ZFP2: variants seen among roughly 807,000 people sequenced by gnomAD.
The protein encoded by ZFP2 is zinc finger protein ZFP2.
In ZFP2, 33 loss-of-function variants were observed where a neutral mutation model predicts 36.1. That is an observed-to-expected ratio of 0.92 (90% CI 0.69 to 1.22). The LOEUF (loss-of-function observed/expected upper bound fraction) is 1.22. ZFP2 is among the 50% of genes most tolerant of loss of function. ZFP2 has a pLI of 0.00. For synonymous variants in ZFP2, 170 were observed against 178.0 expected (o/e 0.96, Z 0.36); for missense variants, 522 against 551.4 (o/e 0.95, Z 0.53).
intron 1 of ZFP2, chr5:178,910,157 A>G (rs1449700713): frequency 1.4e-6 from 2 of 1,473,908 alleles, no homozygotes; most frequent in Non-Finnish European, 1.9e-6. Flanking sequence ...TGCTGTCTGC[A>G]TTTAATGCTT....
intron 4 of ZFP2, among the ~76,000 whole-genome samples, chr5:178,923,330 G>A (rs1017479628): frequency 2.0e-5 from 3 of 149,278 alleles, no homozygotes; most frequent in African/African-American, 4.9e-5. Context: ...GGTAACCTCC[G>A]CTTTCTGCCT....
chr5:178,896,512 T>G (rs570114869), intron 1 of ZFP2, among the ~76,000 whole-genome samples: 165 of 152,328 alleles, frequency 1.1e-3, no homozygotes, highest in African/African-American at 3.8e-3. Flanking sequence ...ACCCGCCCTC[T>G]GGATCTCATT....
chr5:178,898,365 C>T (rs1230054998), intron 1 of ZFP2, among the ~76,000 whole-genome samples: 1 of 152,176 alleles, frequency 6.6e-6, no homozygotes, highest in East Asian at 1.9e-4. Context: ...GAAATGACAT[C>T]CTGGTATATT....
At chr5:178,929,345 CT>C (rs1211611591) in intron 4 of ZFP2, among the ~76,000 whole-genome samples, 1 of 151,964 alleles carries the variant, frequency 6.6e-6, no homozygotes, top group Non-Finnish European at 1.5e-5. Context: ...CACTTACTCC[CT>C]TTTAAATACC....
intron 1 of ZFP2, among the ~76,000 whole-genome samples, chr5:178,898,147 C>T (rs534071905): frequency 6.6e-6 from 1 of 152,260 alleles, no homozygotes; most frequent in East Asian, 1.9e-4. Context: ...CACCACCACT[C>T]TCTAATTTTT....
chr5:178,929,244 T>C (rs1046484784), intron 4 of ZFP2, among the ~76,000 whole-genome samples: 3 of 152,222 alleles, frequency 2.0e-5, no homozygotes, highest in African/African-American at 7.2e-5. Flanking sequence ...CTTGGGTCCT[T>C]TTTACTCATG....
At chr5:178,904,696 CTTTTT>C (rs1195032566) in intron 1 of ZFP2, among the ~76,000 whole-genome samples, 8 of 88,642 alleles carry the variant, frequency 9.0e-5, no homozygotes, top group Admixed American at 2.6e-4. Context: ...ATTCATTTTG[CTTTTT>C]TTTTTTTTTT....
chr5:178,915,919 G>T (rs1375257952), intron 3 of ZFP2: 2 of 152,128 alleles, frequency 1.3e-5, no homozygotes, highest in East Asian at 3.9e-4. Flanking sequence ...TTAAATATTT[G>T]TTGAGTGAAT....
At chr5:178,922,895 A>G (rs1758589531) in intron 4 of ZFP2, among the ~76,000 whole-genome samples, 1 of 149,508 alleles carries the variant, frequency 6.7e-6, no homozygotes, top group Non-Finnish European at 1.5e-5. Context: ...TTCTAGTTGA[A>G]ATAAAGTATT....
intron 4 of ZFP2, among the ~76,000 whole-genome samples, chr5:178,930,314 C>CTTTTTTTTTTT (rs990713790): frequency 6.4e-4 from 46 of 71,380 alleles, no homozygotes; most frequent in Non-Finnish European, 8.1e-4. Flanking sequence ...TTTCCCTTTC[C>CTTTTTTTTTTT]TTTTTTTTTT....
At chr5:178,922,601 A>G in intron 4 of ZFP2, 2 of 1,569,164 alleles carry the variant, frequency 1.3e-6, no homozygotes, top group Non-Finnish European at 1.8e-6. Context: ...GGGCAAGAGC[A>G]TGGCAGGTAT....
chr5:178,925,087 TA>T (rs1357933652), intron 4 of ZFP2, among the ~76,000 whole-genome samples: 7 of 143,136 alleles, frequency 4.9e-5, no homozygotes, highest in African/African-American at 1.7e-4. Context: ...TGGTCTGTTT[TA>T]AAACTTTAAA....
At chr5:178,918,000 C>G (rs1382833411) in intron 4 of ZFP2, among the ~76,000 whole-genome samples, 1 of 152,160 alleles carries the variant, frequency 6.6e-6, no homozygotes, top group Non-Finnish European at 1.5e-5. Context: ...TAAATGTCAC[C>G]TTTTCAGTGA....
chr5:178,898,317 A>C (rs764287669), intron 1 of ZFP2, among the ~76,000 whole-genome samples: 2 of 152,210 alleles, frequency 1.3e-5, no homozygotes, highest in African/African-American at 4.8e-5. Context: ...TTACTTAGGC[A>C]TAACTTGGCT....
At chr5:178,927,453 A>G (rs1347301406) in intron 4 of ZFP2, among the ~76,000 whole-genome samples, 1 of 152,084 alleles carries the variant, frequency 6.6e-6, no homozygotes, top group Non-Finnish European at 1.5e-5. Context: ...ACATTGCTAT[A>G]AAGAAACACC....
intron 4 of ZFP2, among the ~76,000 whole-genome samples, chr5:178,919,236 G>A (rs1385561092): frequency 5.3e-5 from 8 of 152,160 alleles, no homozygotes; most frequent in African/African-American, 1.7e-4. Context: ...TTGATCATAT[G>A]ACCTATGACC....
At position 178,896,437 on chromosome 5, in the gene ZFP2, G is replaced by A. The variant is rs546188782; in HGVS notation, c.-450+463G>A. Among the ~76,000 whole-genome samples the A allele has an allele frequency of 2.0e-5, 3 of 152,294 alleles. No individual in the cohort carries two copies. In the South Asian group the frequency reaches 6.2e-4, roughly 32 times the overall value. ...GAACCTAACCCGCGGACATCCCGGG[G>A]ATTCTGGGCCAGAGGCTGGGTCTCC... On this transcript the variant is annotated intron_variant, in intron 1 of 4. Coordinates refer to ENST00000361362, the MANE Select transcript of ZFP2 (RefSeq NM_030613.4).
At chr5:178,916,520 C>A in intron 3 of ZFP2, 45 bp from the exon 4 acceptor site, 1 of 984,026 alleles carries the variant, frequency 1.0e-6, no homozygotes, top group Middle Eastern at 5.2e-4. Flanking sequence ...GAAAGGAGCC[C>A]ATAGAACATG....
At chr5:178,921,900 C>T (rs1758568511) in intron 4 of ZFP2, among the ~76,000 whole-genome samples, 1 of 149,386 alleles carries the variant, frequency 6.7e-6, no homozygotes, top group African/African-American at 2.4e-5. Flanking sequence ...CCTACTCCAC[C>T]TTATCAGGAA....
Sources: gnomAD v4.1 joint callset for allele counts (sites outside exome capture counted in the v4.1 genomes callset) on GRCh38, gnomAD v4.1.1 for gene constraint, MANE v1.5 for transcripts, NCBI Gene and HGNC (gene_info 2026-07-23, HGNC 2026-07-21) for gene names.